Variants in PCNX2 observed in about 807,000 individuals in gnomAD.
The protein encoded by PCNX2 is pecanex 2.
In PCNX2, 168 loss-of-function variants were observed where a neutral mutation model predicts 223.8. The observed-to-expected ratio is 0.75, with a 90% CI of 0.66 to 0.85. The LOEUF is 0.85. Ranked by LOEUF, PCNX2 falls within the 40% of genes least tolerant of loss-of-function variation. PCNX2 has a pLI of 0.00. For missense variants in PCNX2, 2,507 were observed against 2,675.5 expected (o/e 0.94, Z 1.39); for synonymous variants, 1,006 against 1,052.6 (o/e 0.96, Z 0.86).
intron 8 of PCNX2, among the ~76,000 whole-genome samples, chr1:233,243,952 C>T (rs1484147111): frequency 6.6e-6 from 1 of 152,182 alleles, no homozygotes; most frequent in Non-Finnish European, 1.5e-5. Flanking sequence ...CTGCCTCAGC[C>T]TCCCAAGCAG....
intron 22 of PCNX2, 131 bp from the exon 23 acceptor site, chr1:233,090,321 ATCTC>A: frequency 9.5e-7 from 1 of 1,057,190 alleles, no homozygotes; most frequent in Non-Finnish European, 1.4e-6. Flanking sequence ...CACACACTTA[ATCTC>A]TCTATGTATA....
intron 25 of PCNX2, among the ~76,000 whole-genome samples, chr1:233,048,152 A>T (rs1671880687): frequency 2.0e-5 from 3 of 152,162 alleles, no homozygotes; most frequent in Admixed American, 2.0e-4. Context: ...GAAAAAAAAA[A>T]TCCTTTTAAA....
intron 1 of PCNX2, among the ~76,000 whole-genome samples, chr1:233,269,064 T>A (rs1411005950): frequency 6.6e-6 from 1 of 152,204 alleles, no homozygotes; most frequent in African/African-American, 2.4e-5. Context: ...CCTGCAGATA[T>A]TAATATCAGT....
intron 19 of PCNX2, among the ~76,000 whole-genome samples, chr1:233,152,507 T>C (rs1677878477): frequency 6.6e-6 from 1 of 152,214 alleles, no homozygotes; most frequent in Non-Finnish European, 1.5e-5. Flanking sequence ...TGCATAGTTT[T>C]ATGTTCCAAA....
intron 21 of PCNX2, among the ~76,000 whole-genome samples, chr1:233,116,405 C>T (rs1558246304): frequency 1.3e-5 from 2 of 151,894 alleles, no homozygotes; most frequent in Non-Finnish European, 2.9e-5. Context: ...GACATTAAAA[C>T]AAACAAACAA....
At chr1:233,134,857 C>A (rs1316443318) in intron 21 of PCNX2, 156 bp downstream of exon 21, 115 of 662,826 alleles carry the variant, frequency 1.7e-4, no homozygotes, top group Non-Finnish European at 2.0e-4. Context: ...GGCAGTTTTC[C>A]CCAAATGGTA....
intron 17 of PCNX2, among the ~76,000 whole-genome samples, chr1:233,161,580 G>C (rs115949858): frequency 6.6e-6 from 1 of 152,094 alleles, no homozygotes; most frequent in Non-Finnish European, 1.5e-5. Flanking sequence ...GGAGAGTGGT[G>C]GGGGAGAGGA....
chr1:233,226,186 A>G (rs574234052), intron 10 of PCNX2, among the ~76,000 whole-genome samples: 5 of 152,298 alleles, frequency 3.3e-5, no homozygotes, highest in African/African-American at 9.6e-5. Context: ...TGAACATCAT[A>G]AACTGTTATG....
rs751734781 is a variant in PCNX2, at chr1:233,000,477, T to G, written c.5156A>C (p.Gln1719Pro). The change falls in exon 30 of 34, where the codon CAG becomes CCG. Residue 1719 changes from glutamine to proline, a missense_variant. Transcript: ENST00000258229. The surrounding 1 kb of genome is among the most constrained non-coding windows in gnomAD (Gnocchi z 4.6). Reference protein sequence around the residue: ...EDPAVLYEAIQSFEKKVVICH... With the variant: ...EDPAVLYEAIPSFEKKVVICH... Reference sequence around the variant, plus strand: ...GATGACCACCTTCTTCTCGAAGGACTGGATGGCCTCGTAGAGGACTGCTGG... The same window carrying G: ...GATGACCACCTTCTTCTCGAAGGACGGGATGGCCTCGTAGAGGACTGCTGG... The G allele has an allele frequency of 1.3e-5, 20 of 1,599,182 alleles. 1 individual carries two copies. Among genetic ancestry groups the G allele is most frequent in the Non-Finnish European group, 1.6e-5 (19 of 1,172,922 alleles).
Position 233,209,863 on chromosome 1 carries a change from A to G in PCNX2, c.2692-1174T>C, listed in dbSNP as rs146835653. On this transcript the variant is annotated intron_variant, in intron 12 of 33. Coordinates refer to ENST00000258229, the MANE Select transcript of PCNX2 (RefSeq NM_014801.4). ...TAAAGCCCAAGTTCAATCTAAATGT[A>G]TTTCTCATCAAGTGAATAGCAAAAT... Among the ~76,000 whole-genome samples, 941 of 152,352 alleles carry G rather than the reference A, an allele frequency of 6.2e-3. 9 individuals carry two copies. Among genetic ancestry groups the G allele is most frequent in the Non-Finnish European group, 0.011 (732 of 68,024 alleles).
chr1:233,124,990 G>A (rs1427282685), intron 21 of PCNX2, among the ~76,000 whole-genome samples: 1 of 152,142 alleles, frequency 6.6e-6, no homozygotes, highest in East Asian at 1.9e-4. Context: ...AATATACTTG[G>A]TCATTTACAA....
intron 27 of PCNX2, 136 bp downstream of exon 27, chr1:233,016,785 T>C (rs925409926): frequency 2.1e-6 from 3 of 1,427,358 alleles, no homozygotes; most frequent in East Asian, 2.5e-5. Flanking sequence ...TCAATAAACA[T>C]CTGTCCAAAT....
intron 1 of PCNX2, among the ~76,000 whole-genome samples, chr1:233,285,215 G>A (rs565205508): frequency 2.7e-4 from 41 of 152,142 alleles, no homozygotes; most frequent in Non-Finnish European, 3.1e-4. Context: ...AGCCAGATGT[G>A]GTGGTGCATG....
chr1:233,112,769 A>C, intron 21 of PCNX2: 2 of 1,171,518 alleles, frequency 1.7e-6, no homozygotes, highest in East Asian at 5.8e-5. Flanking sequence ...AGAATTAAGC[A>C]AAAATGAAGA....
intron 1 of PCNX2, among the ~76,000 whole-genome samples, chr1:233,277,548 G>A (rs116046544): frequency 0.011 from 1,573 of 145,032 alleles, 14 homozygotes; most frequent in South Asian, 0.032. Flanking sequence ...GATTAACATC[G>A]GTAAAGTAGT....
chr1:233,251,771 C>A (rs967363595), intron 7 of PCNX2, among the ~76,000 whole-genome samples: 1 of 152,242 alleles, frequency 6.6e-6, no homozygotes, highest in African/African-American at 2.4e-5. Context: ...CTATATGATA[C>A]ATAAGCCAAG....
At chr1:233,081,800 C>G (rs1475910960) in intron 23 of PCNX2, among the ~76,000 whole-genome samples, 1 of 152,172 alleles carries the variant, frequency 6.6e-6, no homozygotes, top group African/African-American at 2.4e-5. Context: ...TGCCTCAGGG[C>G]TCTGAGCTGC....
At chr1:233,062,347 T>A (rs1007268356) in intron 23 of PCNX2, among the ~76,000 whole-genome samples, 1 of 152,224 alleles carries the variant, frequency 6.6e-6, no homozygotes, top group Admixed American at 6.5e-5. Context: ...TTCTATATGC[T>A]TATCTAATTT....
At chr1:233,052,792 C>T (rs1253363901) in intron 25 of PCNX2, among the ~76,000 whole-genome samples, 1 of 152,140 alleles carries the variant, frequency 6.6e-6, no homozygotes, top group African/African-American at 2.4e-5. Context: ...TGCATATTCA[C>T]CTGAATGCCT....
Sources: allele counts gnomAD v4.1 joint callset (sites outside exome capture counted in the v4.1 genomes callset), GRCh38; gene constraint gnomAD v4.1.1; non-coding constraint Gnocchi (gnomAD v3.1); transcripts MANE v1.5; gene names NCBI Gene and HGNC (gene_info 2026-07-23, HGNC 2026-07-21).